Variants in RCOR1 observed in about 807,000 individuals in gnomAD.
RCOR1 encodes REST corepressor 1, also known as REST corepressor.
In RCOR1, 12 loss-of-function variants were observed where a neutral mutation model predicts 64.0. That is an observed-to-expected ratio of 0.19 (90% CI 0.12 to 0.30). RCOR1 has a LOEUF of 0.30. Among genes scored for constraint, RCOR1 ranks in the 10% least tolerant of loss-of-function variants. RCOR1 has a pLI of 1.00. For synonymous variants in RCOR1, 279 were observed against 227.2 expected, an observed-to-expected ratio of 1.23 and a Z score of -2.05; for missense variants, 502 against 621.2, an observed-to-expected ratio of 0.81 and a Z score of 2.04.
chr14:102,722,836 G>A (rs1421708677), intron 11 of RCOR1, among the ~76,000 whole-genome samples: 1 of 152,230 alleles, frequency 6.6e-6, no homozygotes, highest in Non-Finnish European at 1.5e-5. Flanking sequence ...GCAGCACAGC[G>A]AGCCAGCCAG....
chr14:102,665,934 C>A (rs1218970211), intron 2 of RCOR1, among the ~76,000 whole-genome samples: 1 of 152,180 alleles, frequency 6.6e-6, no homozygotes, highest in African/African-American at 2.4e-5. Context: ...TTGAGTCTTA[C>A]AAAGCCATTG....
At chr14:102,611,165 C>G (rs1329848271) in intron 2 of RCOR1, among the ~76,000 whole-genome samples, 1 of 151,810 alleles carries the variant, frequency 6.6e-6, no homozygotes, top group Non-Finnish European at 1.5e-5. Context: ...CGCCCCCACA[C>G]CATTCAGGCG....
intron 2 of RCOR1, among the ~76,000 whole-genome samples, chr14:102,665,919 G>A (rs961040411): frequency 2.0e-5 from 3 of 152,152 alleles, no homozygotes; most frequent in Admixed American, 2.0e-4. Context: ...AGTTACTGCT[G>A]GTAGTTGAGT....
At chr14:102,615,741 G>C (rs529278590) in intron 2 of RCOR1, among the ~76,000 whole-genome samples, 1 of 152,104 alleles carries the variant, frequency 6.6e-6, no homozygotes, top group African/African-American at 2.4e-5. Flanking sequence ...GAGCCACCAC[G>C]CCTGGCCATT....
At chr14:102,700,593 T>A (rs1237149452) in intron 3 of RCOR1, among the ~76,000 whole-genome samples, 1 of 152,206 alleles carries the variant, frequency 6.6e-6, no homozygotes, top group African/African-American at 2.4e-5. Context: ...AATCTAGAAC[T>A]CCTGGCCTCA....
intron 3 of RCOR1, among the ~76,000 whole-genome samples, chr14:102,689,253 G>T (rs1197094366): frequency 3.3e-5 from 5 of 152,134 alleles, no homozygotes; most frequent in Non-Finnish European, 7.3e-5. Context: ...CAAAACTGTG[G>T]TCCAAGGGTC....
At chr14:102,639,831 T>TATTCATTCATTC (rs34567389) in intron 2 of RCOR1, among the ~76,000 whole-genome samples, 5 of 147,292 alleles carry the variant, frequency 3.4e-5, no homozygotes, top group African/African-American at 1.0e-4. Context: ...GAGCTCAGCC[T>TATTCATTCATTC]ATTCATTCAT....
chr14:102,633,202 A>G (rs1333949009), intron 2 of RCOR1, among the ~76,000 whole-genome samples: 1 of 152,120 alleles, frequency 6.6e-6, no homozygotes, highest in Non-Finnish European at 1.5e-5. Context: ...TAAAGGTCTC[A>G]TCTAGCTCTA....
intron 2 of RCOR1, chr14:102,643,442 C>A: frequency 5.0e-6 from 2 of 396,494 alleles, no homozygotes; most frequent in Non-Finnish European, 6.9e-6. Flanking sequence ...GTTTTAGAAA[C>A]TGAAATAATA....
intron 2 of RCOR1, among the ~76,000 whole-genome samples, chr14:102,663,785 G>A (rs1595218904): frequency 6.6e-6 from 1 of 152,166 alleles, no homozygotes. Flanking sequence ...TTTTGTCTTT[G>A]TTTAGGTTTG....
intron 2 of RCOR1, among the ~76,000 whole-genome samples, chr14:102,609,043 T>TTTAAAATTTAAAA (rs1412987178): frequency 6.8e-6 from 1 of 147,366 alleles, no homozygotes; most frequent in African/African-American, 2.6e-5. Flanking sequence ...TTTTTTTTTT[T>TTTAAAATTTAAAA]TTTTTTAAAT....
chr14:102,701,112 A>G (rs1435699210), intron 3 of RCOR1, among the ~76,000 whole-genome samples, 166 bp from the exon 4 acceptor site: 1 of 152,188 alleles, frequency 6.6e-6, no homozygotes, highest in Non-Finnish European at 1.5e-5. Flanking sequence ...GGTCCCTCCT[A>G]CAGCACTTGG....
At position 102,660,276 on chromosome 14, in the gene RCOR1, A is replaced by G. The variant is rs570219748; in HGVS notation, c.362-21619A>G. ...GAATGTGATATACATTATGAGTGATACTTGTGGTTTGAATGGGTTTTTTTA... is the reference window on the plus strand; with the variant it reads ...GAATGTGATATACATTATGAGTGATGCTTGTGGTTTGAATGGGTTTTTTTA... On this transcript the variant is annotated intron_variant, in intron 2 of 11. Transcript: ENST00000262241. 8.5e-5 allele frequency among the ~76,000 whole-genome samples: 13 copies of G among 152,232 alleles called. No homozygotes were observed. The East Asian group carries it at 1.9e-3, about 23-fold the overall frequency.
intron 2 of RCOR1, chr14:102,657,608 C>T (rs1270497298): frequency 8.4e-6 from 7 of 830,894 alleles, no homozygotes; most frequent in Non-Finnish European, 7.3e-6. Flanking sequence ...GAGGCCAAGG[C>T]GGGCAGATCA....
chr14:102,700,183 G>A (rs778144226), intron 3 of RCOR1, among the ~76,000 whole-genome samples: 1 of 152,170 alleles, frequency 6.6e-6, no homozygotes, highest in East Asian at 1.9e-4. Context: ...CTTGTTTGTT[G>A]TAGAAAGTTT....
intron 2 of RCOR1, among the ~76,000 whole-genome samples, chr14:102,603,810 CAG>C (rs576614515): frequency 1.1e-3 from 173 of 152,004 alleles, no homozygotes; most frequent in African/African-American, 4.1e-3. Flanking sequence ...TTTGTAGAGA[CAG>C]GGTTTCACCA....
intron 2 of RCOR1, among the ~76,000 whole-genome samples, chr14:102,614,484 A>G (rs1215507414): frequency 1.3e-5 from 2 of 151,858 alleles, no homozygotes; most frequent in African/African-American, 4.8e-5. Flanking sequence ...TCGGCCTCCC[A>G]AAGTGCTGGG....
At chr14:102,601,857 C>T (rs1046855726) in intron 2 of RCOR1, among the ~76,000 whole-genome samples, 2 of 152,156 alleles carry the variant, frequency 1.3e-5, no homozygotes, top group African/African-American at 4.8e-5. Flanking sequence ...ACACTCAAGG[C>T]TGTCAGAATT....
chr14:102,637,550 A>G (rs1425201265), intron 2 of RCOR1, among the ~76,000 whole-genome samples: 2 of 152,084 alleles, frequency 1.3e-5, no homozygotes, highest in South Asian at 2.1e-4. Context: ...TCCTGGGCTT[A>G]GGTGATCCTC....
Sources: gnomAD v4.1 joint callset for allele counts (sites outside exome capture counted in the v4.1 genomes callset) on GRCh38, gnomAD v4.1.1 for gene constraint, MANE v1.5 for transcripts, NCBI Gene and HGNC (gene_info 2026-07-23, HGNC 2026-07-21) for gene names.